NAV3: variants seen among roughly 807,000 people sequenced by gnomAD.
NAV3 encodes neuron navigator 3.
NAV3 carries 87 observed loss-of-function variants against 244.7 expected under a neutral mutation model. That is an observed-to-expected ratio of 0.36 (90% confidence interval 0.30 to 0.42). NAV3 has a LOEUF of 0.42. NAV3 is among the 20% of genes least tolerant of loss of function. NAV3 has a pLI of 1.00. For missense variants in NAV3, 2,663 were observed against 2,893.3 expected (o/e 0.92, Z 1.83); for synonymous variants, 1,126 against 1,042.2 (o/e 1.08, Z -1.55).
chr12:78,194,579 C>CT (rs1452136878), intron 34 of NAV3, among the ~76,000 whole-genome samples: 1 of 151,990 alleles, frequency 6.6e-6, no homozygotes, highest in Non-Finnish European at 1.5e-5. Context: ...TTGCTTCTTC[C>CT]TTTCAATATG....
chr12:77,929,022 T>C (rs1354947274), intron 1 of NAV3, among the ~76,000 whole-genome samples: 1 of 152,206 alleles, frequency 6.6e-6, no homozygotes, highest in Non-Finnish European at 1.5e-5. Flanking sequence ...TACAGTAGCC[T>C]GCTGTGGTGA....
At chr12:77,645,787 AC>A (rs1267458273) in intron 2 of NAV3, among the ~76,000 whole-genome samples, 1 of 152,096 alleles carries the variant, frequency 6.6e-6, no homozygotes, top group African/African-American at 2.4e-5. Flanking sequence ...TATACATAAA[AC>A]CAGCTAATGT....
intron 12 of NAV3, among the ~76,000 whole-genome samples, chr12:78,100,143 G>A (rs1954465725): frequency 1.3e-5 from 2 of 151,870 alleles, no homozygotes; most frequent in South Asian, 4.1e-4. Flanking sequence ...AGAGCATTAA[G>A]TGCATACTAA....
At chr12:77,620,362 T>C (rs1419255687) in intron 2 of NAV3, among the ~76,000 whole-genome samples, 1 of 152,188 alleles carries the variant, frequency 6.6e-6, no homozygotes, top group Non-Finnish European at 1.5e-5. Context: ...ACATAGTTGC[T>C]GAGGAAAAAA....
intron 3 of NAV3, among the ~76,000 whole-genome samples, chr12:77,961,871 G>A (rs1270771): frequency 0.87 from 131,709 of 151,282 alleles, 57,418 homozygotes; most frequent in East Asian, 0.98. Context: ...TTAATATTTA[G>A]TTCATGTGTG....
At chr12:78,011,678 C>T (rs1875299935) in intron 8 of NAV3, among the ~76,000 whole-genome samples, 1 of 152,096 alleles carries the variant, frequency 6.6e-6, no homozygotes, top group South Asian at 2.1e-4. Flanking sequence ...ACTGGAACTG[C>T]TATAGACACT....
Position 77,773,777 on chromosome 12 carries a change from G to T in NAV3, c.73-166542G>T, listed in dbSNP as rs539361966. On this transcript the variant is annotated intron_variant, in intron 2 of 8. Transcript: ENST00000550042. Reference sequence around the variant, plus strand: ...GTTTTCCCAGTATACATAATATATAGTTTTGATGTATTCATCCACTTAATT... The same window carrying T: ...GTTTTCCCAGTATACATAATATATATTTTTGATGTATTCATCCACTTAATT... Among the ~76,000 whole-genome samples the T allele has an allele frequency of 9.9e-5, 15 of 152,150 alleles. No homozygotes were observed. The East Asian group carries it at 2.7e-3, about 27-fold the overall frequency.
At chr12:77,988,768 G>A (rs894592253) in intron 5 of NAV3, among the ~76,000 whole-genome samples, 2 of 152,022 alleles carry the variant, frequency 1.3e-5, no homozygotes, top group African/African-American at 4.8e-5. Flanking sequence ...TTCCCCCATT[G>A]CCTGAGAGCT....
At chr12:77,842,983 C>T (rs1875950925) in intron 1 of NAV3, among the ~76,000 whole-genome samples, 1 of 152,062 alleles carries the variant, frequency 6.6e-6, no homozygotes, top group Admixed American at 6.6e-5. Flanking sequence ...TTTATTGTCC[C>T]TGAATGCTCA....
At chr12:77,618,170 C>T (rs984483261) in intron 2 of NAV3, among the ~76,000 whole-genome samples, 8 of 152,222 alleles carry the variant, frequency 5.3e-5, no homozygotes, top group African/African-American at 1.9e-4. Context: ...CTTCAGATGA[C>T]TGTAACCTCA....
intron 1 of NAV3, among the ~76,000 whole-genome samples, chr12:77,864,403 T>C (rs1211498410): frequency 6.6e-6 from 1 of 151,950 alleles, no homozygotes; most frequent in Non-Finnish European, 1.5e-5. Flanking sequence ...TTTAAAAGTA[T>C]CACATGTACA....
chr12:77,938,168 T>C (rs1193434206), intron 1 of NAV3, among the ~76,000 whole-genome samples: 1 of 152,172 alleles, frequency 6.6e-6, no homozygotes, highest in Non-Finnish European at 1.5e-5. Flanking sequence ...CTGAAGTTTC[T>C]ACTAGAAGGC....
At chr12:78,092,503 T>TC (rs1954005300) in intron 12 of NAV3, among the ~76,000 whole-genome samples, 1 of 136,818 alleles carries the variant, frequency 7.3e-6, no homozygotes, top group Admixed American at 7.3e-5. Context: ...TTTTTTTTTT[T>TC]TTTTTTTTTT....
At chr12:78,185,122 G>C (rs889855196) in intron 30 of NAV3, among the ~76,000 whole-genome samples, 1 of 151,764 alleles carries the variant, frequency 6.6e-6, no homozygotes, top group African/African-American at 2.4e-5. Flanking sequence ...AAGATAAGGT[G>C]AGTAGTTATA....
intron 7 of NAV3, 145 bp downstream of exon 7, chr12:77,998,621 C>A: frequency 1.3e-6 from 1 of 749,094 alleles, no homozygotes; most frequent in Non-Finnish European, 2.0e-6. Flanking sequence ...CTGTCCCCTC[C>A]TGACTGCCAG....
intron 34 of NAV3, among the ~76,000 whole-genome samples, chr12:78,193,048 T>G (rs2139924600): frequency 6.6e-6 from 1 of 152,320 alleles, no homozygotes; most frequent in African/African-American, 2.4e-5. Flanking sequence ...ATCCTGTTCC[T>G]GAAAACCTGG....
At chr12:78,002,546 T>G in intron 7 of NAV3, among the ~76,000 whole-genome samples, 1 of 152,132 alleles carries the variant, frequency 6.6e-6, no homozygotes, top group East Asian at 1.9e-4. Context: ...GTCTTTAAAT[T>G]TGGGCAGCTT....
chr12:77,863,433 A>T (rs1035600610), intron 1 of NAV3, among the ~76,000 whole-genome samples: 1 of 151,848 alleles, frequency 6.6e-6, no homozygotes, highest in Admixed American at 6.6e-5. Flanking sequence ...TCACTATTTG[A>T]TGGACAAATT....
At chr12:78,193,456 T>C (rs1959068642) in intron 34 of NAV3, among the ~76,000 whole-genome samples, 1 of 152,170 alleles carries the variant, frequency 6.6e-6, no homozygotes, top group Non-Finnish European at 1.5e-5. Context: ...GGAGTCAGCA[T>C]CTGAGAAAGC....
Sources: allele counts gnomAD v4.1 joint callset (sites outside exome capture counted in the v4.1 genomes callset), GRCh38; gene constraint gnomAD v4.1.1; transcripts MANE v1.5; gene names NCBI Gene and HGNC (gene_info 2026-07-23, HGNC 2026-07-21).